Variants in ANKFN1 observed in about 807,000 individuals in gnomAD.
ANKFN1 encodes the protein ankyrin repeat and fibronectin type III domain containing 1, also known as ankyrin repeat and fibronectin type-III domain-containing protein 1.
Under a neutral mutation model 108.7 loss-of-function variants are expected in ANKFN1, and 74 were observed. That is an observed-to-expected ratio of 0.68 (90% confidence interval 0.56 to 0.83). The LOEUF is 0.83. Ranked by LOEUF, ANKFN1 falls within the 40% of genes least tolerant of loss-of-function variation. The pLI is 0.00. For synonymous variants in ANKFN1, 547 were observed against 516.2 expected, an observed-to-expected ratio of 1.06 and a Z score of -0.81; for missense variants, 1,505 against 1,382.3, an observed-to-expected ratio of 1.09 and a Z score of -1.41.
chr17:56,326,265 G>A lies in ANKFN1; in HGVS notation c.98G>A (p.Arg33Lys), dbSNP rs2045514660. ...FACFAQRLSH[R>K]RKQSQCDLLN... ...TGCTTTGCACAGAGGCTGAGCCACA[G>A]GAGAAAGCAAAGCCAATGTGATTTA... Residue 33 changes from arginine to lysine, a missense_variant, in exon 4 of 21, where the codon AGG becomes AAG. By Grantham distance (26) the Arg-to-Lys change is conservative (BLOSUM62 2). Transcript: ENST00000682825. 1.7e-5 allele frequency: 27 copies of A among 1,613,832 alleles called. No homozygotes were observed. The East Asian group carries it at 6.0e-4, about 36-fold the overall frequency.
At chr17:56,428,053 T>C (rs528738861) in intron 8 of ANKFN1, among the ~76,000 whole-genome samples, 1 of 151,934 alleles carries the variant, frequency 6.6e-6, no homozygotes, top group Non-Finnish European at 1.5e-5. Flanking sequence ...GCCAACATGA[T>C]GAAACCCCAT....
chr17:56,381,194 C>A (rs2047093019), intron 8 of ANKFN1, among the ~76,000 whole-genome samples: 1 of 152,202 alleles, frequency 6.6e-6, no homozygotes, highest in Non-Finnish European at 1.5e-5. Context: ...GAGTGGACCT[C>A]TAGCAAACTC....
chr17:56,368,225 T>A, intron 6 of ANKFN1: 2 of 1,143,030 alleles, frequency 1.7e-6, no homozygotes, highest in Non-Finnish European at 2.3e-6. Flanking sequence ...AATTTTTTTA[T>A]CAAGAGGTAT....
chr17:56,288,723 G>A (rs180673656), intron 3 of ANKFN1, among the ~76,000 whole-genome samples: 9 of 152,266 alleles, frequency 5.9e-5, no homozygotes, highest in Non-Finnish European at 1.0e-4. Context: ...CCCAGAGGAA[G>A]AGCCTTTAGA....
chr17:56,510,492 T>C lies in ANKFN1; in HGVS notation c.2664T>C (p.Asp888=), dbSNP rs535912191. 2 of 1,536,136 alleles carry C rather than the reference T, an allele frequency of 1.3e-6. No individual in the cohort carries two copies. Among genetic ancestry groups the C allele is most frequent in the East Asian group, 2.4e-5 (1 of 40,918 alleles). ...TCGCAGATTCACAGCCCTGCTCTGA[T>C]GAAGAAGCCTGCTCAGAAGTCTTCC... ...KTVSDSQPCS[D]EEACSEVFLP... The change falls in exon 21 of 21, where the codon GAT becomes GAC. Residue 888 remains aspartate, a synonymous_variant. Transcript: ENST00000682825.
intron 3 of ANKFN1, among the ~76,000 whole-genome samples, chr17:56,232,647 T>G (rs1163255109): frequency 6.6e-6 from 1 of 152,168 alleles, no homozygotes; most frequent in Non-Finnish European, 1.5e-5. Context: ...ACAGTGAATA[T>G]CTGGATTTTA....
At chr17:56,096,713 T>G (rs959453273) in intron 4 of ANKFN1, among the ~76,000 whole-genome samples, 8 of 152,198 alleles carry the variant, frequency 5.3e-5, no homozygotes, top group Non-Finnish European at 1.5e-5. Context: ...TTTCTCAAAT[T>G]TAAATCTTAA....
At chr17:56,364,612 G>A (rs988873263) in intron 6 of ANKFN1, among the ~76,000 whole-genome samples, 2 of 152,220 alleles carry the variant, frequency 1.3e-5, no homozygotes, top group African/African-American at 4.8e-5. Context: ...CAAGTGGCTT[G>A]CATGTTGTGC....
chr17:56,147,319 G>T (rs1302354530), intron 4 of ANKFN1, among the ~76,000 whole-genome samples: 1 of 152,136 alleles, frequency 6.6e-6, no homozygotes, highest in Non-Finnish European at 1.5e-5. Flanking sequence ...CCTTATAGCA[G>T]CACCTCACTC....
chr17:56,121,499 G>C (rs1906618181), intron 4 of ANKFN1, among the ~76,000 whole-genome samples: 1 of 152,050 alleles, frequency 6.6e-6, no homozygotes, highest in Non-Finnish European at 1.5e-5. Context: ...TGTTTTGCTA[G>C]AGGTAAAGTG....
chr17:56,061,265 C>CCTT (rs1904970049), intron 4 of ANKFN1, among the ~76,000 whole-genome samples: 1 of 72,914 alleles, frequency 1.4e-5, no homozygotes, highest in Non-Finnish European at 2.4e-5. Context: ...GGTAGTTTTT[C>CCTT]TTTTTTTTTT....
At chr17:56,302,595 A>C (rs1598378259) in intron 3 of ANKFN1, among the ~76,000 whole-genome samples, 1 of 152,258 alleles carries the variant, frequency 6.6e-6, no homozygotes, top group African/African-American at 2.4e-5. Context: ...TAATTACAAC[A>C]AAAGTTCTTG....
At chr17:56,499,232 C>T in intron 20 of ANKFN1, 134 bp downstream of exon 20, 1 of 823,172 alleles carries the variant, frequency 1.2e-6, no homozygotes, top group Non-Finnish European at 1.9e-6. Flanking sequence ...AAGAGTCTAA[C>T]AGCATAGAGG....
At chr17:56,142,006 C>T (rs1159818494) in intron 4 of ANKFN1, among the ~76,000 whole-genome samples, 1 of 148,728 alleles carries the variant, frequency 6.7e-6, no homozygotes, top group Non-Finnish European at 1.5e-5. Flanking sequence ...TCTTGGCCCA[C>T]TGCAAACTCT....
chr17:56,257,611 C>T (rs991082581), intron 3 of ANKFN1, among the ~76,000 whole-genome samples: 2 of 152,288 alleles, frequency 1.3e-5, no homozygotes, highest in South Asian at 4.1e-4. Flanking sequence ...CACCGACCCT[C>T]CAGGCTACGG....
At chr17:56,274,163 G>A (rs1160100714) in intron 3 of ANKFN1, among the ~76,000 whole-genome samples, 5 of 152,156 alleles carry the variant, frequency 3.3e-5, no homozygotes, top group Non-Finnish European at 7.3e-5. Context: ...AAGAAATCTG[G>A]GACTCTTTGA....
intron 4 of ANKFN1, among the ~76,000 whole-genome samples, chr17:56,071,127 C>A (rs569077124): frequency 1.3e-5 from 2 of 152,138 alleles, no homozygotes; most frequent in Non-Finnish European, 2.9e-5. Context: ...CTGACTGATT[C>A]TATATTTGAC....
At chr17:56,156,153 C>T (rs1003575375) in intron 1 of ANKFN1, among the ~76,000 whole-genome samples, 1 of 150,846 alleles carries the variant, frequency 6.6e-6, no homozygotes, top group African/African-American at 2.4e-5. Flanking sequence ...AATCTTGGCT[C>T]ACTACAACCT....
intron 4 of ANKFN1, among the ~76,000 whole-genome samples, chr17:56,125,585 C>T (rs1454255831): frequency 6.6e-6 from 1 of 152,182 alleles, no homozygotes; most frequent in Non-Finnish European, 1.5e-5. Context: ...TCATTTTATC[C>T]TCATCATAGC....
Sources: allele counts gnomAD v4.1 joint callset (sites outside exome capture counted in the v4.1 genomes callset), GRCh38; gene constraint gnomAD v4.1.1; transcripts MANE v1.5; gene names NCBI Gene and HGNC (gene_info 2026-07-23, HGNC 2026-07-21).